Variants in CHST7 observed in about 807,000 individuals in gnomAD.
CHST7 encodes the protein carbohydrate sulfotransferase 7.
In CHST7, 5 loss-of-function variants were observed where a neutral mutation model predicts 9.0. That is an observed-to-expected ratio of 0.56 (90% CI 0.29 to 1.17). The LOEUF is 1.17. CHST7 is among the 50% of genes most tolerant of loss of function. The pLI, the probability that CHST7 is intolerant of heterozygous loss-of-function variation, is 0.08. For synonymous variants in CHST7, 244 were observed against 237.1 expected (o/e 1.03, Z -0.27); for missense variants, 377 against 485.1 (o/e 0.78, Z 2.09).
intron 1 of CHST7, among the ~76,000 whole-genome samples, chrX:46,591,488 C>T (rs1942572838): frequency 2.7e-5 from 3 of 110,805 alleles, no homozygotes; most frequent in Admixed American, 9.6e-5. Context: ...GATTCTCCTG[C>T]CTCAGCCTCC....
intron 1 of CHST7, among the ~76,000 whole-genome samples, chrX:46,581,033 G>A (rs1340190891): frequency 1.8e-5 from 2 of 109,838 alleles, no homozygotes; most frequent in Non-Finnish European, 3.8e-5. Context: ...TCAGGAGTTC[G>A]AGATCAGCCT....
rs1182704653 is a variant in CHST7, at chrX:46,573,888, G to A, written c.-44G>A. On this transcript the variant is annotated 5_prime_UTR_variant, in exon 1 of 2. Transcript: ENST00000276055. ...ACCTGGCACGGGATTTCTGAGGAACGGGAGAAGACTGGCGCCCGACCCGCT... is the reference window on the plus strand; with the variant it reads ...ACCTGGCACGGGATTTCTGAGGAACAGGAGAAGACTGGCGCCCGACCCGCT... 2 of 1,153,193 alleles carry A rather than the reference G, an allele frequency of 1.7e-6. No individual in the cohort carries two copies. The highest frequency in any genetic ancestry group is 3.6e-5 in the African/African-American group (2 of 56,249).
intron 1 of CHST7, among the ~76,000 whole-genome samples, chrX:46,596,933 T>C (rs1252844319): frequency 2.6e-5 from 2 of 77,956 alleles, no homozygotes; most frequent in African/African-American, 1.1e-4. Flanking sequence ...GGCAACAGAG[T>C]GAGACTCTGT....
At chrX:46,579,227 T>C (rs868437079) in intron 1 of CHST7, among the ~76,000 whole-genome samples, 12 of 112,302 alleles carry the variant, frequency 1.1e-4, no homozygotes, top group African/African-American at 3.9e-4. Flanking sequence ...CAAGCAGATG[T>C]AGAGTGTTAT....
intron 1 of CHST7, among the ~76,000 whole-genome samples, chrX:46,590,858 C>G (rs756015598): frequency 3.6e-5 from 4 of 111,979 alleles, no homozygotes; most frequent in African/African-American, 6.5e-5. Flanking sequence ...CCTATCCCAC[C>G]CCTTTCACTG....
chrX:46,596,937 ACT>A (rs1942597008), intron 1 of CHST7, among the ~76,000 whole-genome samples: 2 of 68,464 alleles, frequency 2.9e-5, no homozygotes, highest in South Asian at 8.8e-4. Flanking sequence ...ACAGAGTGAG[ACT>A]CTGTCTCAAA....
chrX:46,589,821 G>A (rs1204853236), intron 1 of CHST7, among the ~76,000 whole-genome samples: 4 of 111,056 alleles, frequency 3.6e-5, no homozygotes, highest in Non-Finnish European at 7.5e-5. Context: ...AGGCCAACAC[G>A]GGGGAATAGG....
intron 1 of CHST7, among the ~76,000 whole-genome samples, chrX:46,577,842 A>G (rs1942506804): frequency 1.8e-5 from 2 of 111,906 alleles, no homozygotes; most frequent in African/African-American, 6.5e-5. Context: ...CTGAACAAAT[A>G]AAATATCCCT....
chrX:46,577,400 C>T (rs572754654), intron 1 of CHST7, among the ~76,000 whole-genome samples: 8 of 111,006 alleles, frequency 7.2e-5, no homozygotes, highest in South Asian at 7.7e-4. Context: ...TGGGCACTTA[C>T]CACCAATCAG....
chrX:46,593,466 T>C (rs1466133185), intron 1 of CHST7, among the ~76,000 whole-genome samples: 1 of 111,954 alleles, frequency 8.9e-6, no homozygotes, highest in African/African-American at 3.2e-5. Flanking sequence ...GAAGTCTATT[T>C]TATCTAATAT....
At chrX:46,585,892 C>T (rs1942547324) in intron 1 of CHST7, among the ~76,000 whole-genome samples, 1 of 110,573 alleles carries the variant, frequency 9.0e-6, no homozygotes, top group Non-Finnish European at 1.9e-5. Flanking sequence ...ACTACAGGCA[C>T]CTGCCACCAC....
Position 46,574,339 on chromosome X carries a change from T to C in CHST7, c.408T>C (p.His136=). ...DVFYLYEPMW[H]LWQALYPGDA... ...TCTACTTGTATGAGCCCATGTGGCA[T>C]CTATGGCAGGCGCTGTATCCGGGCG... Residue 136 remains histidine, a synonymous_variant, in exon 1 of 2, where the codon CAT becomes CAC. Transcript: ENST00000276055. 1 of 1,210,816 alleles carries C rather than the reference T, an allele frequency of 8.3e-7. No homozygotes were observed. Among genetic ancestry groups the C allele is most frequent in the Non-Finnish European group, 1.1e-6 (1 of 895,247 alleles).
Position 46,575,401 on chromosome X carries a change from C to A in CHST7, c.*9C>A, listed in dbSNP as rs983852290. The A allele has an allele frequency of 2.9e-6, 3 of 1,030,486 alleles. No individual in the cohort carries two copies. The highest frequency in any genetic ancestry group is 1.2e-6 in the Non-Finnish European group (1 of 810,983). 84.9% of individuals were successfully genotyped at this position (1,030,486 alleles called of 1,213,427 possible). On this transcript the variant is annotated 3_prime_UTR_variant, in exon 1 of 2. Coordinates refer to ENST00000276055, the MANE Select transcript of CHST7 (RefSeq NM_019886.4). The stretch of plus-strand genomic sequence containing the variant: ...CCGACGGCGCCACGTAGCCTCCCAT[C>A]CCTGTCCCCGGCACGGATCCGGGTA...
rs746271472 is a variant in CHST7 at position 46,575,048 on chromosome X, C to T, written c.1117C>T (p.Leu373=). The change falls in exon 1 of 2, where the codon CTG becomes TTG. Residue 373 remains leucine, a synonymous_variant. Transcript: ENST00000276055. ...PAWLRRRYLR[L]RYEDLVRQPR... ...CTGGCTGCGGCGCCGCTACCTGAGG[C>T]TGCGCTATGAGGACCTGGTGCGGCA... 3 of 1,134,121 alleles carry T rather than the reference C, an allele frequency of 2.6e-6. No individual in the cohort carries two copies. Among genetic ancestry groups the T allele is most frequent in the Non-Finnish European group, 3.5e-6 (3 of 867,417 alleles). 93.5% of individuals were successfully genotyped at this position (1,134,121 alleles called of 1,213,427 possible). A position where few individuals can be genotyped will look rare whatever the true frequency, so the allele number is the denominator to read the frequency against.
At chrX:46,589,047 T>G (rs953508074) in intron 1 of CHST7, among the ~76,000 whole-genome samples, 2 of 111,787 alleles carry the variant, frequency 1.8e-5, no homozygotes, top group South Asian at 7.4e-4. Context: ...GAAACAGTTG[T>G]AACCAAGAAG....
At chrX:46,580,789 T>G (rs17147366) in intron 1 of CHST7, among the ~76,000 whole-genome samples, 2,587 of 111,461 alleles carry the variant, frequency 0.023, 64 homozygotes, top group South Asian at 0.12. Context: ...AGTCATTCCT[T>G]GCTTTCTATA....
intron 1 of CHST7, among the ~76,000 whole-genome samples, chrX:46,591,101 T>G (rs777732435): frequency 8.9e-6 from 1 of 112,307 alleles, no homozygotes; most frequent in Non-Finnish European, 1.9e-5. Context: ...TGAAGGACAT[T>G]TGGATTGTTT....
chrX:46,595,067 G>A (rs899483218), intron 1 of CHST7, among the ~76,000 whole-genome samples: 1 of 111,951 alleles, frequency 8.9e-6, no homozygotes, highest in African/African-American at 3.2e-5. Context: ...TTTTGTTATT[G>A]TATTTTACAG....
chrX:46,597,607 C>G (rs931537535), intron 1 of CHST7, among the ~76,000 whole-genome samples, 153 bp from the exon 2 acceptor site: 4 of 112,579 alleles, frequency 3.6e-5, no homozygotes, highest in African/African-American at 9.7e-5. Flanking sequence ...TCTGTCTTCA[C>G]AAGCCAGAAA....
Sources: gnomAD v4.1 joint callset for allele counts (sites outside exome capture counted in the v4.1 genomes callset) on GRCh38, gnomAD v4.1.1 for gene constraint, MANE v1.5 for transcripts, NCBI Gene and HGNC (gene_info 2026-07-23, HGNC 2026-07-21) for gene names.